The following PCDH11X variants were observed in gnomAD, a reference collection of about 807,000 sequenced individuals.
PCDH11X encodes protocadherin-11 X-linked.
A neutral mutation model predicts 53.3 loss-of-function variants in PCDH11X; 18 were observed. The observed-to-expected ratio is 0.34, with a 90% CI of 0.23 to 0.50. The LOEUF (loss-of-function observed/expected upper bound fraction) is 0.50, where lower values mean the gene tolerates loss of function less well. Ranked by LOEUF, PCDH11X falls within the 20% of genes least tolerant of loss-of-function variation. The probability of loss-of-function intolerance (pLI) is 0.98; values close to 1 mark genes in which losing one functional copy is unlikely to be tolerated. For synonymous variants in PCDH11X, 279 were observed against 393.3 expected, an observed-to-expected ratio of 0.71 and a Z score of 3.44; for missense variants, 570 against 1,032.4, an observed-to-expected ratio of 0.55 and a Z score of 6.14.
At chrX:92,087,870 T>TA (rs1273609629) in intron 6 of PCDH11X, among the ~76,000 whole-genome samples, 1 of 108,438 alleles carries the variant, frequency 9.2e-6, no homozygotes, top group Non-Finnish European at 1.9e-5. Flanking sequence ...TAATGTGAGT[T>TA]AAAAAATGCT....
intron 8 of PCDH11X, among the ~76,000 whole-genome samples, chrX:92,348,957 T>G (rs1438835498): frequency 9.9e-6 from 1 of 101,193 alleles, no homozygotes; most frequent in Non-Finnish European, 2.0e-5. Flanking sequence ...ATGTTCTTTC[T>G]ACAAGTATCT....
intron 6 of PCDH11X, among the ~76,000 whole-genome samples, chrX:91,881,977 A>G (rs911118395): frequency 9.0e-6 from 1 of 110,930 alleles, no homozygotes; most frequent in African/African-American, 3.3e-5. Flanking sequence ...ATGTTCTAGT[A>G]GACTATAAGA....
At chrX:92,147,831 C>CTTTCTTTCTTTCTTTCTTTCT (rs1234323630) in intron 6 of PCDH11X, among the ~76,000 whole-genome samples, 3 of 91,198 alleles carry the variant, frequency 3.3e-5, no homozygotes, top group Non-Finnish European at 6.1e-5. Context: ...TTCTTTCTTT[C>CTTTCTTTCTTTCTTTCTTTCT]TTTCTTTCTT....
chrX:92,407,305 G>A (rs1285811612), intron 9 of PCDH11X, among the ~76,000 whole-genome samples: 1 of 111,295 alleles, frequency 9.0e-6, no homozygotes, highest in Admixed American at 9.6e-5. Context: ...GAACAACCTT[G>A]TACATGCTTT....
chrX:92,193,981 C>T (rs1488553252), intron 6 of PCDH11X, among the ~76,000 whole-genome samples: 1 of 111,980 alleles, frequency 8.9e-6, no homozygotes, highest in Non-Finnish European at 1.9e-5. Flanking sequence ...TTAATGCATT[C>T]ATAGCCATCT....
intron 6 of PCDH11X, among the ~76,000 whole-genome samples, chrX:92,198,770 C>A (rs756548074): frequency 2.7e-5 from 3 of 111,070 alleles, no homozygotes; most frequent in African/African-American, 9.8e-5. Context: ...CCATTTATTG[C>A]AAAAACTTTA....
intron 6 of PCDH11X, among the ~76,000 whole-genome samples, chrX:92,044,377 A>G (rs1235057552): frequency 1.8e-5 from 2 of 109,925 alleles, no homozygotes; most frequent in African/African-American, 6.6e-5. Context: ...TTCCATATAA[A>G]TAATAAGATC....
chrX:92,021,019 A>G (rs1049426278), intron 6 of PCDH11X, among the ~76,000 whole-genome samples: 3 of 108,789 alleles, frequency 2.8e-5, no homozygotes, highest in African/African-American at 1.0e-4. Flanking sequence ...AGCATCAACA[A>G]AACCCCATCC....
At chrX:91,943,563 T>G (rs1015146035) in intron 6 of PCDH11X, among the ~76,000 whole-genome samples, 8 of 107,515 alleles carry the variant, frequency 7.4e-5, no homozygotes, top group African/African-American at 2.7e-4. Context: ...ATAAAAATTC[T>G]TAGTAACATA....
intron 6 of PCDH11X, among the ~76,000 whole-genome samples, chrX:92,086,143 A>G (rs1285430417): frequency 9.0e-6 from 1 of 111,577 alleles, no homozygotes; most frequent in Non-Finnish European, 1.9e-5. Flanking sequence ...ATTTTTGTTG[A>G]AAACCCCTCT....
intron 10 of PCDH11X, among the ~76,000 whole-genome samples, chrX:92,524,979 T>C (rs1185242524): frequency 9.0e-6 from 1 of 111,499 alleles, no homozygotes; most frequent in Non-Finnish European, 1.9e-5. Flanking sequence ...ACCTAAATGT[T>C]TTCCCTACTC....
intron 10 of PCDH11X, among the ~76,000 whole-genome samples, chrX:92,608,901 A>T (rs1048957305): frequency 8.1e-5 from 9 of 110,904 alleles, no homozygotes; most frequent in African/African-American, 2.9e-4. Context: ...CTGCTAGTCA[A>T]CATTACCTGA....
chrX:92,283,306 T>C (rs1398715460), intron 8 of PCDH11X, among the ~76,000 whole-genome samples: 1 of 111,399 alleles, frequency 9.0e-6, no homozygotes, highest in Non-Finnish European at 1.9e-5. Context: ...AGAAAGACTA[T>C]GTTAATAAGG....
intron 6 of PCDH11X, among the ~76,000 whole-genome samples, chrX:92,068,644 A>AT (rs1478609884): frequency 9.1e-6 from 1 of 109,317 alleles, no homozygotes; most frequent in Non-Finnish European, 1.9e-5. Flanking sequence ...GGTTCAAGTG[A>AT]TTTTCCAGCC....
intron 6 of PCDH11X, among the ~76,000 whole-genome samples, chrX:91,917,569 CAAAAAAAAAAA>C (rs59199030): frequency 6.3e-5 from 1 of 15,888 alleles, no homozygotes; most frequent in African/African-American, 2.4e-4. Flanking sequence ...ACAGCAGCTG[CAAAAAAAAAAA>C]AAAAAAAAAA....
chrX:92,495,891 A>T (rs2073853449), intron 10 of PCDH11X, among the ~76,000 whole-genome samples: 1 of 105,831 alleles, frequency 9.4e-6, no homozygotes, highest in South Asian at 4.3e-4. Context: ...TCTCCCACCG[A>T]GTCCCTCCCA....
intron 6 of PCDH11X, among the ~76,000 whole-genome samples, chrX:92,126,217 A>G (rs999387304): frequency 1.8e-5 from 2 of 111,899 alleles, no homozygotes; most frequent in Non-Finnish European, 3.8e-5. Context: ...TAACAATTGA[A>G]GAGGAATTGT....
intron 7 of PCDH11X, among the ~76,000 whole-genome samples, chrX:92,214,319 G>A (rs1159854618): frequency 9.0e-6 from 1 of 111,651 alleles, no homozygotes; most frequent in Admixed American, 9.5e-5. Context: ...CTGATCTGGA[G>A]GGAAACATTC....
At chrX:92,585,127 G>A (rs1218052851) in intron 10 of PCDH11X, among the ~76,000 whole-genome samples, 1 of 109,652 alleles carries the variant, frequency 9.1e-6, no homozygotes, top group Non-Finnish European at 1.9e-5. Context: ...ACTGGAGCAG[G>A]AAAGGGGGGT....
Sources: allele counts gnomAD v4.1 joint callset (sites outside exome capture counted in the v4.1 genomes callset), GRCh38; gene constraint gnomAD v4.1.1; transcripts MANE v1.5; gene names NCBI Gene and HGNC (gene_info 2026-07-23, HGNC 2026-07-21).